RHD: variants seen among roughly 807,000 people sequenced by gnomAD.
RHD encodes the protein Rh blood group D antigen, also known as blood group Rh(D) polypeptide.
Under a neutral mutation model 45.5 loss-of-function variants are expected in RHD, and 16 were observed. The ratio of observed to expected loss-of-function variants is 0.35; its 90% CI spans 0.24 to 0.53. The LOEUF (loss-of-function observed/expected upper bound fraction) is 0.53. RHD is among the 20% of genes least tolerant of loss of function. The pLI is 0.92. For missense variants in RHD, 306 were observed against 532.0 expected, an observed-to-expected ratio of 0.58 and a Z score of 4.18; for synonymous variants, 131 against 217.5, an observed-to-expected ratio of 0.60 and a Z score of 3.50.
intron 8 of RHD, among the ~76,000 whole-genome samples, chr1:25,318,791 T>G (rs190842387): frequency 2.3e-5 from 3 of 132,686 alleles, no homozygotes; most frequent in Admixed American, 2.2e-4. Flanking sequence ...TTAGCTTCTC[T>G]GTAAAATGAA....
Position 25,306,848 on chromosome 1 carries a change from G to A in RHD, c.1073+119G>A, listed in dbSNP as rs752862357. On this transcript the variant is annotated intron_variant, in intron 7 of 9. Transcript: ENST00000328664. ...GGGGCCAGGTGCTCAGTAGGCTTCG[G>A]TGAATATTTGTTGGCTGATTTATTC... is the stretch of plus-strand genomic sequence containing the variant. 3 of 971,426 alleles carry A rather than the reference G, an allele frequency of 3.1e-6. 1 individual carries two copies. Among genetic ancestry groups the A allele is most frequent in the Non-Finnish European group, 4.9e-6 (3 of 617,838 alleles). 60.2% of individuals were successfully genotyped at this position (971,426 alleles called of 1,614,324 possible).
chr1:25,292,489 G>A lies in RHD; in HGVS notation c.486+1698G>A, dbSNP rs1290909992. Among the ~76,000 whole-genome samples, 4 of 132,154 alleles carry A rather than the reference G, an allele frequency of 3.0e-5. 1 individual carries two copies. Among genetic ancestry groups the A allele is most frequent in the Non-Finnish European group, 7.2e-5 (4 of 55,746 alleles). The allele number at this position is 132,154 out of a possible 152,430, so 86.7% of individuals were successfully genotyped here. On this transcript the variant is annotated intron_variant, in intron 3 of 9. Coordinates refer to ENST00000328664, the MANE Select transcript of RHD (RefSeq NM_016124.6). ...GACAGGATTTGCTGATAGACTGCAC[G>A]TGGGGTGGGAGAGGGTCAAGATGAC...
intron 2 of RHD, among the ~76,000 whole-genome samples, chr1:25,285,454 AG>A (rs1350175892): frequency 1.5e-5 from 2 of 135,066 alleles, no homozygotes; most frequent in Non-Finnish European, 3.5e-5. Flanking sequence ...TCTCTTGAAA[AG>A]AAAGGACTTT....
intron 7 of RHD, among the ~76,000 whole-genome samples, chr1:25,312,957 T>TAAAAAAAAAAAAA (rs1491188755): frequency 2.0e-4 from 5 of 24,428 alleles, no homozygotes; most frequent in East Asian, 1.4e-3. Context: ...AAAAAAAAAC[T>TAAAAAAAAAAAAA]TTAGTGCTAT....
At chr1:25,321,102 C>A (rs1289451240) in intron 8 of RHD, among the ~76,000 whole-genome samples, 1 of 130,660 alleles carries the variant, frequency 7.7e-6, no homozygotes, top group East Asian at 2.0e-4. Context: ...AGGACAGGCA[C>A]TTAAGCAAGT....
intron 8 of RHD, among the ~76,000 whole-genome samples, chr1:25,319,221 G>C (rs1364643432): frequency 7.6e-6 from 1 of 131,726 alleles, no homozygotes; most frequent in East Asian, 1.9e-4. Context: ...ATTCTTCACT[G>C]GAGTCAAAAA....
intron 1 of RHD, among the ~76,000 whole-genome samples, chr1:25,275,871 G>C (rs648291): frequency 7.6e-6 from 1 of 131,794 alleles, no homozygotes; most frequent in African/African-American, 2.6e-5. Flanking sequence ...CAGCTTGTAC[G>C]AGGAGAAGTT....
intron 7 of RHD, among the ~76,000 whole-genome samples, chr1:25,315,421 G>A (rs1420842276): frequency 7.8e-6 from 1 of 128,930 alleles, no homozygotes; most frequent in Admixed American, 7.5e-5. Context: ...GCAGGTAGTT[G>A]TTGACATCTG....
In RHD at chr1:25,320,968, C is replaced by A. The variant is rs374703776; in HGVS notation, c.1154-921C>A. 3.1e-5 allele frequency among the ~76,000 whole-genome samples: 4 copies of A among 130,988 alleles called. 1 individual carries two copies. Among genetic ancestry groups the A allele is most frequent in the African/African-American group, 1.0e-4 (4 of 38,478 alleles). The allele number at this position is 130,988 out of a possible 152,430, so 85.9% of individuals were successfully genotyped here. ...CTGAGGTGGGAGGGTTGCTTGACCC[C>A]GGGAGTTTGAGGCTGCAATGAGCTG... On this transcript the variant is annotated intron_variant, in intron 8 of 9. Coordinates refer to ENST00000328664, the MANE Select transcript of RHD (RefSeq NM_016124.6).
intron 3 of RHD, among the ~76,000 whole-genome samples, chr1:25,300,410 G>T (rs970782177): frequency 1.5e-5 from 2 of 129,624 alleles, no homozygotes; most frequent in African/African-American, 5.3e-5. Flanking sequence ...TACTCAGGAG[G>T]CTGAGGTGGG....
chr1:25,300,894 G>T lies in RHD; in HGVS notation c.487-52G>T, dbSNP rs1315170898. On this transcript the variant is annotated intron_variant, in intron 3 of 9. Transcript: ENST00000328664. Reference sequence around the variant, plus strand: ...CTTTCTCCAAGGACTATCAGGGCTTGCCCCGGGCAGAGGATGCCGACACTC... The same window carrying T: ...CTTTCTCCAAGGACTATCAGGGCTTTCCCCGGGCAGAGGATGCCGACACTC... 2.6e-5 allele frequency: 36 copies of T among 1,364,544 alleles called. 8 individuals are homozygous for T. The highest frequency in any genetic ancestry group is 1.4e-4 in the Admixed American group (8 of 55,828). 84.5% of individuals were successfully genotyped at this position (1,364,544 alleles called of 1,614,324 possible). A position where few individuals can be genotyped will look rare whatever the true frequency, so the allele number is the denominator to read the frequency against.
rs548365632 is a variant in RHD, at chr1:25,321,657, G to C, written c.1154-232G>C. ...TGTACTCCAGCCTGGGCGATAGAGT[G>C]AGACTCTGTCTCAAAATAAATAAAA... On this transcript the variant is annotated intron_variant, in intron 8 of 9. Transcript: ENST00000328664. Among the ~76,000 whole-genome samples the C allele has an allele frequency of 7.2e-4, 33 of 45,520 alleles. 10 individuals are homozygous for C. The highest frequency in any genetic ancestry group is 1.9e-3 in the Non-Finnish European group (30 of 15,622). 29.9% of individuals were successfully genotyped at this position (45,520 alleles called of 152,430 possible). A position where few individuals can be genotyped will look rare whatever the true frequency, so the allele number is the denominator to read the frequency against.
chr1:25,290,861 G>A, intron 3 of RHD, 70 bp downstream of exon 3: 1 of 1,332,110 alleles, frequency 7.5e-7, no homozygotes, highest in Non-Finnish European at 1.1e-6. Context: ...GGGGTTTCCA[G>A]GGTTTTGAAA....
At chr1:25,321,792 G>C in intron 8 of RHD, 97 bp from the exon 9 acceptor site, 1 of 638,030 alleles carries the variant, frequency 1.6e-6, no homozygotes, top group Admixed American at 2.4e-5. Flanking sequence ...GATTTCTGTT[G>C]AGATACTGTC....
intron 3 of RHD, among the ~76,000 whole-genome samples, chr1:25,296,109 C>T (rs543360702): frequency 8.7e-6 from 1 of 114,840 alleles, no homozygotes; most frequent in Non-Finnish European, 2.1e-5. Flanking sequence ...GTGATCCACC[C>T]GCCTTGGCCT....
intron 7 of RHD, among the ~76,000 whole-genome samples, chr1:25,314,120 A>G (rs564370153): frequency 7.5e-6 from 1 of 132,986 alleles, no homozygotes; most frequent in Admixed American, 7.3e-5. Context: ...AAATTGTTGA[A>G]TTATACAGTA....
chr1:25,321,459 G>A (rs1204830270), intron 8 of RHD, among the ~76,000 whole-genome samples: 1 of 114,810 alleles, frequency 8.7e-6, no homozygotes, highest in African/African-American at 2.9e-5. Flanking sequence ...TCGGGAGTTC[G>A]AGACCAGCCT....
At chr1:25,290,520 C>T in intron 2 of RHD, 121 bp from the exon 3 acceptor site, 1 of 917,976 alleles carries the variant, frequency 1.1e-6, no homozygotes, top group South Asian at 1.4e-5. Flanking sequence ...CTTCTATTCC[C>T]ACAGAAAGTA....
In RHD at chr1:25,309,305, C is replaced by T. The variant is rs755780178; in HGVS notation, c.1073+2576C>T. Reference sequence around the variant, plus strand: ...GTTGCAGATACTCTTTTTCAATTCTCAGTCCTTTGATTACGTCAGGGAGAA... The same window carrying T: ...GTTGCAGATACTCTTTTTCAATTCTTAGTCCTTTGATTACGTCAGGGAGAA... On this transcript the variant is annotated intron_variant, in intron 7 of 9. Transcript: ENST00000328664. 3.5e-4 allele frequency among the ~76,000 whole-genome samples: 46 copies of T among 131,292 alleles called. 17 individuals carry two copies. Among genetic ancestry groups the T allele is most frequent in the Non-Finnish European group, 8.1e-4 (45 of 55,776 alleles). The allele number at this position is 131,292 out of a possible 152,430, so 86.1% of individuals were successfully genotyped here. A position where few individuals can be genotyped will look rare whatever the true frequency, so the allele number is the denominator to read the frequency against.
Sources: gnomAD v4.1 joint callset for allele counts (sites outside exome capture counted in the v4.1 genomes callset) on GRCh38, gnomAD v4.1.1 for gene constraint, MANE v1.5 for transcripts, NCBI Gene and HGNC (gene_info 2026-07-23, HGNC 2026-07-21) for gene names.